Variants in CHIT1 observed in about 807,000 individuals in gnomAD.
CHIT1 encodes the protein chitotriosidase-1.
A neutral mutation model predicts 52.0 loss-of-function variants in CHIT1; 47 were observed. The observed-to-expected ratio is 0.90, with a 90% confidence interval of 0.71 to 1.15. The LOEUF (loss-of-function observed/expected upper bound fraction) is 1.15, where lower values mean the gene tolerates loss of function less well. Ranked by LOEUF, CHIT1 falls within the 50% of genes most tolerant of loss-of-function variation. The pLI is 0.00. For synonymous variants in CHIT1, 242 were observed against 228.2 expected (o/e 1.06, Z -0.54); for missense variants, 569 against 583.0 (o/e 0.98, Z 0.25).
chr1:203,225,949 C>A, intron 2 of CHIT1, 79 bp from the exon 3 acceptor site: 1 of 1,479,654 alleles, frequency 6.8e-7, no homozygotes. Context: ...CTGGGGTAGG[C>A]AATGTCCTTG....
intron 10 of CHIT1, 169 bp from the exon 11 acceptor site, chr1:203,217,302 C>T: frequency 3.2e-6 from 5 of 1,540,428 alleles, no homozygotes; most frequent in Non-Finnish European, 4.4e-6. Context: ...ACAGCCATAC[C>T]TACAGCTGAA....
Position 203,222,228 on chromosome 1 carries a change from T to C in CHIT1, c.703A>G (p.Ser235Gly), listed in dbSNP as rs751832695. 1.9e-6 allele frequency: 3 copies of C among 1,613,942 alleles called. No homozygotes were observed. The highest frequency in any genetic ancestry group is 2.5e-6 in the Non-Finnish European group (3 of 1,180,024). The part of the protein sequence containing the change: ...NSPLYKRQEE[S>G]GAAASLNVDA... ...ACGTTGAGGCTGGCTGCTGCACCAC[T>C]CTCTTCTTGCCTCTTGTAGAGGGGG... The change falls in exon 7 of 11, where the codon AGT becomes GGT. Residue 235 changes from serine (S) to glycine (G), a missense_variant. Coordinates refer to ENST00000367229, the MANE Select transcript of CHIT1 (RefSeq NM_003465.3).
chr1:203,224,743 T>C (rs1571849132), intron 4 of CHIT1, among the ~76,000 whole-genome samples: 1 of 152,156 alleles, frequency 6.6e-6, no homozygotes, highest in East Asian at 1.9e-4. Context: ...GTTGGGACCC[T>C]CCCTCTTCTC....
chr1:203,223,540 C>A lies in CHIT1; in HGVS notation c.435G>T (p.Gln145His). Reference sequence around the variant, plus strand: ...GCTCCTTGTCTACGGCAGGGCTCCCCTGGCTTCCTGGGTACTCCCAGTCAA... The same window carrying A: ...GCTCCTTGTCTACGGCAGGGCTCCCATGGCTTCCTGGGTACTCCCAGTCAA... ...LDLDWEYPGSQGSPAVDKERF... is the reference protein window; with the variant it reads ...LDLDWEYPGSHGSPAVDKERF... The change falls in exon 5 of 11, where the codon CAG becomes CAT. Residue 145 changes from glutamine to histidine, a missense_variant. Transcript: ENST00000367229. The A allele has an allele frequency of 6.2e-7, 1 of 1,614,248 alleles. No individual in the cohort carries two copies. Among genetic ancestry groups the A allele is most frequent in the Non-Finnish European group, 8.5e-7 (1 of 1,180,052 alleles).
chr1:203,217,854 C>T lies in CHIT1; in HGVS notation c.1041G>A (p.Leu347=). ...VESFKTKVSY[L]KQKGLGGAMV... ...TGGCCCCGCCCAGTCCCTTCTGCTTCAGATAGCTGACCTGTGCAGGGAGGG... is the reference window on the plus strand; with the variant it reads ...TGGCCCCGCCCAGTCCCTTCTGCTTTAGATAGCTGACCTGTGCAGGGAGGG... Residue 347 remains leucine (L), a synonymous_variant, in exon 10 of 11, where the codon CTG becomes CTA. Coordinates refer to ENST00000367229, the MANE Select transcript of CHIT1 (RefSeq NM_003465.3). 8.9e-7 allele frequency: 1 copy of T among 1,125,724 alleles called. No homozygotes were observed. Among genetic ancestry groups the T allele is most frequent in the Non-Finnish European group, 1.2e-6 (1 of 850,616 alleles). The allele number at this position is 1,125,724 out of a possible 1,614,324, so 69.7% of individuals were successfully genotyped here. A position where few individuals can be genotyped will look rare whatever the true frequency, so the allele number is the denominator to read the frequency against.
At position 203,217,114 on chromosome 1, in the gene CHIT1, T is replaced by C; in HGVS notation, c.1176A>G (p.Ser392=). 7 of 1,607,642 alleles carry C rather than the reference T, an allele frequency of 4.4e-6. No individual in the cohort carries two copies. Among genetic ancestry groups the C allele is most frequent in the Non-Finnish European group, 5.9e-6 (7 of 1,179,982 alleles). The part of the protein sequence containing the change: ...RQELSLPYLP[S]GTPELEVPKP... ...TTGGAACTTCAAGCTCTGGGGTGCC[T>C]GAAGGCAAGTATGGAAGACCTGGGA... Residue 392 remains serine, a synonymous_variant, in exon 11 of 11, where the codon TCA becomes TCG. Coordinates refer to ENST00000367229, the MANE Select transcript of CHIT1 (RefSeq NM_003465.3).
intron 2 of CHIT1, 107 bp from the exon 3 acceptor site, chr1:203,225,977 C>A: frequency 1.6e-6 from 2 of 1,215,210 alleles, no homozygotes; most frequent in East Asian, 2.5e-5. Context: ...CTCTTCTACA[C>A]CTGGAGTCAG....
chr1:203,225,580 C>T, intron 3 of CHIT1, 89 bp downstream of exon 3: 2 of 1,341,684 alleles, frequency 1.5e-6, no homozygotes, highest in Non-Finnish European at 2.1e-6. Context: ...GTGGCAGGAC[C>T]TTAGTGCTGG....
rs762064575 is a variant in CHIT1, at chr1:203,217,829, T to C, written c.1066A>G (p.Met356Val). The C allele has an allele frequency of 5.6e-6, 9 of 1,613,958 alleles. No homozygotes were observed. Among genetic ancestry groups the C allele is most frequent in the Non-Finnish European group, 6.8e-6 (8 of 1,179,992 alleles). The change falls in exon 10 of 11, where the codon ATG (methionine) becomes GTG (valine). Residue 356 changes from methionine to valine, a missense_variant. Coordinates refer to ENST00000367229, the MANE Select transcript of CHIT1 (RefSeq NM_003465.3). ...YLKQKGLGGA[M>V]VWALDLDDFA... ...TCATCTAAGTCCAGTGCCCAGACCATGGCCCCGCCCAGTCCCTTCTGCTTC... is the reference window on the plus strand; with the variant it reads ...TCATCTAAGTCCAGTGCCCAGACCACGGCCCCGCCCAGTCCCTTCTGCTTC...
chr1:203,227,180 G>A (rs1198012004), intron 2 of CHIT1, among the ~76,000 whole-genome samples: 2 of 152,198 alleles, frequency 1.3e-5, no homozygotes, highest in Admixed American at 1.3e-4. Flanking sequence ...GAACCCGAGA[G>A]CATGGAGGGC....
intron 7 of CHIT1, among the ~76,000 whole-genome samples, chr1:203,221,707 G>A (rs999645180): frequency 1.3e-5 from 2 of 152,176 alleles, no homozygotes; most frequent in Non-Finnish European, 2.9e-5. Flanking sequence ...ACCTACCCTA[G>A]TCTAAAAACC....
At chr1:203,222,659 T>C (rs1467765497) in intron 6 of CHIT1, among the ~76,000 whole-genome samples, 1 of 152,168 alleles carries the variant, frequency 6.6e-6, no homozygotes, top group African/African-American at 2.4e-5. Context: ...CACTTCAGTG[T>C]GCACACAGAT....
At chr1:203,220,649 G>A (rs1656701243) in intron 7 of CHIT1, among the ~76,000 whole-genome samples, 1 of 152,188 alleles carries the variant, frequency 6.6e-6, no homozygotes, top group Non-Finnish European at 1.5e-5. Flanking sequence ...GTTTTGTCAG[G>A]TCTAGTTACT....
In CHIT1 at chr1:203,219,746, T is replaced by A. The variant is rs775467175; in HGVS notation, c.833A>T (p.Asp278Val). The change falls in exon 8 of 11, where the codon GAC (aspartate) becomes GTC (valine). Residue 278 changes from aspartate to valine, a missense_variant. Coordinates refer to ENST00000367229, the MANE Select transcript of CHIT1 (RefSeq NM_003465.3). ...GRSFTLASSS[D>V]TRVGAPATGS... ...TGTGGCTGGGGCCCCCACTCTGGTG[T>A]CTGATGAGGAGGCCAGTGTGAAGGA... 4 of 1,613,928 alleles carry A rather than the reference T, an allele frequency of 2.5e-6. No individual in the cohort carries two copies. The highest frequency in any genetic ancestry group is 2.2e-5 in the South Asian group (2 of 91,076).
chr1:203,217,370 C>A, intron 10 of CHIT1: 2 of 1,504,016 alleles, frequency 1.3e-6, no homozygotes, highest in Non-Finnish European at 1.8e-6. Flanking sequence ...AGGCTTTACC[C>A]ATCTGCAAGC....
rs377403883 is a variant in CHIT1 at position 203,223,593 on chromosome 1, G to A, written c.382C>T (p.Arg128Cys). 2.3e-5 allele frequency: 37 copies of A among 1,614,194 alleles called. No homozygotes were observed. Among genetic ancestry groups the A allele is most frequent in the African/African-American group, 1.9e-4 (14 of 75,040 alleles). Reference protein sequence around the residue: ...TFVNSAIRFLRKYSFDGLDLD... With the variant: ...TFVNSAIRFLCKYSFDGLDLD... ...TCAAGGCCGTCAAAGCTGTATTTGCGCAGAAACCTGATGGCCGAGTTGACA... is the reference window on the plus strand; with the variant it reads ...TCAAGGCCGTCAAAGCTGTATTTGCACAGAAACCTGATGGCCGAGTTGACA... The change falls in exon 5 of 11, where the codon CGC (arginine) becomes TGC (cysteine). Residue 128 changes from arginine to cysteine, a missense_variant. Physicochemically the swap from Arg to Cys is radical, Grantham distance 180 (BLOSUM62 -3). Coordinates refer to ENST00000367229, the MANE Select transcript of CHIT1 (RefSeq NM_003465.3).
intron 1 of CHIT1, among the ~76,000 whole-genome samples, chr1:203,229,398 T>A (rs1460550804): frequency 6.6e-6 from 1 of 152,068 alleles, no homozygotes; most frequent in Non-Finnish European, 1.5e-5. Context: ...CCTTGCAACA[T>A]GAAGTCTCTT....
intron 6 of CHIT1, 40 bp from the exon 7 acceptor site, chr1:203,222,365 TG>T (rs761209881): frequency 5.6e-6 from 9 of 1,613,800 alleles, no homozygotes; most frequent in Non-Finnish European, 1.7e-6. Flanking sequence ...AACAAGGGAT[TG>T]GGGGTGGGGT....
chr1:203,225,913 C>T, intron 2 of CHIT1, 43 bp from the exon 3 acceptor site: 2 of 1,603,228 alleles, frequency 1.2e-6, no homozygotes, highest in Non-Finnish European at 1.7e-6. Flanking sequence ...GTCAGCAGGA[C>T]CTTCTGGGGA....
Sources: gnomAD v4.1 joint callset for allele counts (sites outside exome capture counted in the v4.1 genomes callset) on GRCh38, gnomAD v4.1.1 for gene constraint, MANE v1.5 for transcripts, NCBI Gene and HGNC (gene_info 2026-07-23, HGNC 2026-07-21) for gene names.